The following XPO5 variants were observed in gnomAD, a reference collection of about 807,000 sequenced individuals.
XPO5 encodes the protein exportin-5.
Under a neutral mutation model 160.6 loss-of-function variants are expected in XPO5, and 46 were observed. That is an observed-to-expected ratio of 0.29 (90% CI 0.23 to 0.37). XPO5 has a LOEUF of 0.37. Among genes scored for constraint, XPO5 ranks in the 10% least tolerant of loss-of-function variants. The pLI, the probability that XPO5 is intolerant of heterozygous loss-of-function variation, is 1.00. For synonymous variants in XPO5, 537 were observed against 519.3 expected (o/e 1.03, Z -0.46); for missense variants, 1,090 against 1,463.9 (o/e 0.74, Z 4.17).
intron 20 of XPO5, among the ~76,000 whole-genome samples, chr6:43,534,354 A>T (rs1794183090): frequency 6.6e-6 from 1 of 152,316 alleles, no homozygotes; most frequent in South Asian, 2.1e-4. Context: ...AATGTGTGCA[A>T]CACTGTGGAT....
At chr6:43,536,758 T>TA (rs1156884252) in intron 20 of XPO5, among the ~76,000 whole-genome samples, 1,732 of 19,098 alleles carry the variant, frequency 0.091, 305 homozygotes, top group Non-Finnish European at 0.11. Flanking sequence ...AGACTCTATC[T>TA]AAAAAAAAAA....
chr6:43,558,734 T>C, intron 11 of XPO5, 143 bp from the exon 12 acceptor site: 1 of 606,184 alleles, frequency 1.6e-6, no homozygotes. Context: ...TCCACTTCAG[T>C]TCTATCACAG....
In XPO5 at chr6:43,549,941, G is replaced by T; in HGVS notation, c.1729-7C>A. On this transcript the variant is annotated splice_polypyrimidine_tract_variant and splice_region_variant and intron_variant, in intron 15 of 31. Transcript: ENST00000265351. ...AAGTGACAGATGAAAATAGCTAAGG[G>T]AGAGGAGGAAAAAAGGTCACTCATG... 1 of 1,611,922 alleles carries T rather than the reference G, an allele frequency of 6.2e-7. No individual in the cohort carries two copies. The highest frequency in any genetic ancestry group is 8.5e-7 in the Non-Finnish European group (1 of 1,178,952).
At chr6:43,561,225 T>TCA (rs1019001364) in intron 9 of XPO5, among the ~76,000 whole-genome samples, 4 of 152,030 alleles carry the variant, frequency 2.6e-5, no homozygotes, top group African/African-American at 7.2e-5. Flanking sequence ...TACTCAATCA[T>TCA]CATCATTAAA....
At chr6:43,556,366 A>C (rs1762088861) in intron 12 of XPO5, among the ~76,000 whole-genome samples, 3 of 152,044 alleles carry the variant, frequency 2.0e-5, no homozygotes, top group South Asian at 4.2e-4. Flanking sequence ...TCTACCAAAA[A>C]ATACAAAAAG....
At chr6:43,564,631 C>G (rs1022798269) in intron 8 of XPO5, among the ~76,000 whole-genome samples, 15 of 152,178 alleles carry the variant, frequency 9.9e-5, no homozygotes, top group Admixed American at 9.2e-4. Flanking sequence ...GAGACAAGGT[C>G]TCAGTCTGTT....
chr6:43,557,809 A>C (rs1318851989), intron 12 of XPO5, among the ~76,000 whole-genome samples: 1 of 122,940 alleles, frequency 8.1e-6, no homozygotes, highest in Non-Finnish European at 1.7e-5. Flanking sequence ...AAAAAAAAAA[A>C]GGAGGCTGGG....
chr6:43,567,993 C>T (rs1762786413), intron 6 of XPO5, among the ~76,000 whole-genome samples: 1 of 149,250 alleles, frequency 6.7e-6, no homozygotes, highest in Non-Finnish European at 1.5e-5. Context: ...TCCCTTCAAC[C>T]ATAGCTCAGT....
chr6:43,575,975 G>T lies in XPO5; in HGVS notation c.-111C>A, dbSNP rs927405762. On this transcript the variant is annotated 5_prime_UTR_variant, in exon 1 of 32. Coordinates refer to ENST00000265351, the MANE Select transcript of XPO5 (RefSeq NM_020750.3). Reference sequence around the variant, plus strand: ...GTACCGGGCCGCGGCGGGCGGCGGGGGTGGGAAGCTGGAGGAGGAGCGTTA... The same window carrying T: ...GTACCGGGCCGCGGCGGGCGGCGGGTGTGGGAAGCTGGAGGAGGAGCGTTA... 94 of 1,055,548 alleles carry T rather than the reference G, an allele frequency of 8.9e-5. 1 individual carries two copies. The highest frequency in any genetic ancestry group is 1.2e-4 in the Non-Finnish European group (86 of 715,780). 65.4% of individuals were successfully genotyped at this position (1,055,548 alleles called of 1,614,324 possible). A position where few individuals can be genotyped will look rare whatever the true frequency, so the allele number is the denominator to read the frequency against.
rs1033052960 is a variant in XPO5 at position 43,525,824 on chromosome 6, G to A, written c.3066+15C>T. On this transcript the variant is annotated intron_variant, in intron 28 of 31. Coordinates refer to ENST00000265351, the MANE Select transcript of XPO5 (RefSeq NM_020750.3). ...TGGGCAAGGAGTAAAGGTATCACCT[G>A]CTCCTTCTACCCACCTCATGCTTCA... is the stretch of plus-strand genomic sequence containing the variant. The A allele has an allele frequency of 1.2e-6, 2 of 1,613,664 alleles. No homozygotes were observed. The highest frequency in any genetic ancestry group is 3.3e-5 in the Admixed American group (2 of 60,018).
intron 1 of XPO5, among the ~76,000 whole-genome samples, chr6:43,574,536 G>A (rs1341800608): frequency 6.6e-6 from 1 of 151,268 alleles, no homozygotes; most frequent in Non-Finnish European, 1.5e-5. Context: ...TCCTTCCAGC[G>A]TGATGGTTCC....
chr6:43,524,153 A>G, intron 31 of XPO5, 148 bp from the exon 32 acceptor site: 2 of 1,188,842 alleles, frequency 1.7e-6, no homozygotes, highest in Non-Finnish European at 2.3e-6. Context: ...GGAGTTCAAG[A>G]CCAGCCTGAC....
At position 43,535,263 on chromosome 6, in the gene XPO5, A is replaced by C. The variant is rs544532766; in HGVS notation, c.2343-1256T>G. On this transcript the variant is annotated intron_variant, in intron 20 of 31. Transcript: ENST00000265351. ...CAACAGAGCGAGACTCTGTCTCAAA[A>C]AACAACAACAACAACAAAACCCCAA... 4.2e-3 allele frequency among the ~76,000 whole-genome samples: 635 copies of C among 151,492 alleles called. 6 individuals are homozygous for C. Among genetic ancestry groups the C allele is most frequent in the African/African-American group, 0.014 (575 of 41,136 alleles).
Position 43,546,553 on chromosome 6 carries a change from G to A in XPO5, c.2342+18C>T. The A allele has an allele frequency of 6.3e-7, 1 of 1,589,252 alleles. No individual in the cohort carries two copies. Among genetic ancestry groups the A allele is most frequent in the Non-Finnish European group, 8.5e-7 (1 of 1,170,530 alleles). On this transcript the variant is annotated intron_variant, in intron 20 of 31. Coordinates refer to ENST00000265351, the MANE Select transcript of XPO5 (RefSeq NM_020750.3). The stretch of plus-strand genomic sequence containing the variant: ...GTAAAGTAGAAAACAACAGAGAAAA[G>A]CCATTATTCTGACTCACCTTATAAG...
intron 11 of XPO5, among the ~76,000 whole-genome samples, chr6:43,559,407 A>G (rs923640765): frequency 1.3e-5 from 2 of 152,236 alleles, no homozygotes; most frequent in Admixed American, 1.3e-4. Flanking sequence ...TGAGATTAAC[A>G]ATCTGTCAAC....
intron 3 of XPO5, among the ~76,000 whole-genome samples, 171 bp downstream of exon 3, chr6:43,572,335 C>T (rs936295776): frequency 6.6e-6 from 1 of 152,204 alleles, no homozygotes; most frequent in African/African-American, 2.4e-5. Context: ...CCTTGGCTTC[C>T]CAAAGCGCTA....
Position 43,533,654 on chromosome 6 carries a change from T to C in XPO5, c.2443+253A>G, listed in dbSNP as rs566675626. ...GAGTTCAAGACCAGCCTGGGCAACA[T>C]AGCAAGACTCTGTCTCAACAAAAAA... On this transcript the variant is annotated intron_variant, in intron 21 of 31. Coordinates refer to ENST00000265351, the MANE Select transcript of XPO5 (RefSeq NM_020750.3). 2.8e-3 allele frequency: 810 copies of C among 287,352 alleles called. 2 individuals are homozygous for C. The highest frequency in any genetic ancestry group is 4.2e-3 in the Non-Finnish European group (598 of 143,804). The allele number at this position is 287,352 out of a possible 1,614,324, so 17.8% of individuals were successfully genotyped here. A position where few individuals can be genotyped will look rare whatever the true frequency, so the allele number is the denominator to read the frequency against.
Position 43,575,935 on chromosome 6 carries a change from C to T in XPO5, c.-71G>A, listed in dbSNP as rs9333498. 8,227 of 1,477,784 alleles carry T rather than the reference C, an allele frequency of 5.6e-3. 286 individuals carry two copies. In the African/African-American group the frequency reaches 0.088, roughly 16 times the overall value. The allele number at this position is 1,477,784 out of a possible 1,614,324, so 91.5% of individuals were successfully genotyped here. A position where few individuals can be genotyped will look rare whatever the true frequency, so the allele number is the denominator to read the frequency against. On this transcript the variant is annotated 5_prime_UTR_variant, in exon 1 of 32. Coordinates refer to ENST00000265351, the MANE Select transcript of XPO5 (RefSeq NM_020750.3). ...CCACGAGGCACGACAGCTCCCTCGG[C>T]GAGACCACCCGTTGGTACCGGGCCG...
chr6:43,566,671 A>G (rs1394838145), intron 7 of XPO5: 2 of 420,530 alleles, frequency 4.8e-6, no homozygotes, highest in Admixed American at 2.4e-5. Context: ...TCAGTCGGGC[A>G]TGGTGGCGTG....
Sources: allele counts gnomAD v4.1 joint callset (sites outside exome capture counted in the v4.1 genomes callset), GRCh38; gene constraint gnomAD v4.1.1; transcripts MANE v1.5; gene names NCBI Gene and HGNC (gene_info 2026-07-23, HGNC 2026-07-21).